Variants in PDIA6 observed in about 807,000 individuals in gnomAD.
PDIA6 encodes protein disulfide-isomerase A6.
In PDIA6, 29 loss-of-function variants were observed where a neutral mutation model predicts 58.4. The ratio of observed to expected loss-of-function variants is 0.50; its 90% confidence interval spans 0.37 to 0.68. PDIA6 has a LOEUF of 0.68. Among genes scored for constraint, PDIA6 ranks in the 30% least tolerant of loss-of-function variants. The pLI is 0.00. For missense variants in PDIA6, 480 were observed against 551.0 expected (o/e 0.87, Z 1.29); for synonymous variants, 192 against 202.6 (o/e 0.95, Z 0.44).
intron 1 of PDIA6, among the ~76,000 whole-genome samples, chr2:10,808,883 T>G (rs1056665753): frequency 2.0e-5 from 3 of 152,220 alleles, no homozygotes; most frequent in African/African-American, 7.2e-5. Context: ...TGGAGTGCAG[T>G]GGTGCAATCT....
chr2:10,792,073 G>T, intron 5 of PDIA6, 148 bp from the exon 6 acceptor site: 1 of 843,792 alleles, frequency 1.2e-6, no homozygotes, highest in Non-Finnish European at 1.8e-6. Context: ...ATTCAAATTG[G>T]GTACATTCCT....
At chr2:10,806,626 G>GAGAAAGAAAGAAAGA (rs1215474397) in intron 1 of PDIA6, among the ~76,000 whole-genome samples, 3 of 143,074 alleles carry the variant, frequency 2.1e-5, no homozygotes, top group Non-Finnish European at 4.7e-5. Flanking sequence ...AAAAAATAAA[G>GAGAAAGAAAGAAAGA]ACAGAAAGAA....
chr2:10,817,774 C>T (rs543750861), upstream of PDIA6, among the ~76,000 whole-genome samples: 1 of 152,304 alleles, frequency 6.6e-6, no homozygotes, highest in African/African-American at 2.4e-5. Flanking sequence ...CTAGAATGAC[C>T]GGGAAGATCA....
chr2:10,834,734 CCTTCCTTCCTT>C (rs1558468772), upstream of PDIA6, among the ~76,000 whole-genome samples: 1,099 of 57,812 alleles, frequency 0.019, 41 homozygotes, highest in Middle Eastern at 0.034. Flanking sequence ...TTCCTTCCCT[CCTTCCTTCCTT>C]CCTTCCTTCC....
At chr2:10,837,307 G>A (rs1667848617), upstream of PDIA6, among the ~76,000 whole-genome samples, 1 of 152,206 alleles carries the variant, frequency 6.6e-6, no homozygotes, top group South Asian at 2.1e-4. Flanking sequence ...TCAAGGAGGC[G>A]ACGGGGAAAA....
chr2:10,832,382 T>C (rs1667733775), exon 1 of PDIA6: 2 of 981,434 alleles, frequency 2.0e-6, no homozygotes, highest in African/African-American at 1.7e-5. Context: ...GCTGCAGATA[T>C]CCTCGCCATC....
chr2:10,826,679 G>C (rs547469568), intron 1 of PDIA6, among the ~76,000 whole-genome samples: 2 of 152,182 alleles, frequency 1.3e-5, no homozygotes, highest in South Asian at 4.2e-4. Context: ...GCTTTAATTG[G>C]GTGAATCATA....
intron 1 of PDIA6, among the ~76,000 whole-genome samples, chr2:10,828,161 A>C (rs1241881675): frequency 6.6e-6 from 1 of 152,186 alleles, no homozygotes; most frequent in African/African-American, 2.4e-5. Context: ...GGTGTTGTGC[A>C]TTCTATGGGT....
intron 1 of PDIA6, among the ~76,000 whole-genome samples, chr2:10,806,628 C>CGAAAGAGAGAAAGAA (rs1553339930): frequency 4.3e-5 from 3 of 70,422 alleles, no homozygotes; most frequent in Non-Finnish European, 1.2e-4. Flanking sequence ...AAAATAAAGA[C>CGAAAGAGAGAAAGAA]AGAAAGAAAG....
chr2:10,810,420 G>A, intron 1 of PDIA6: 1 of 1,439,436 alleles, frequency 6.9e-7, no homozygotes, highest in Non-Finnish European at 9.1e-7. Flanking sequence ...TTACAAGCAG[G>A]CTGCAGTCAC....
chr2:10,819,954 A>G (rs143452997), intron 1 of PDIA6, among the ~76,000 whole-genome samples: 1 of 152,072 alleles, frequency 6.6e-6, no homozygotes, highest in Non-Finnish European at 1.5e-5. Flanking sequence ...TCTCTATTAG[A>G]TGGGGCCACC....
At chr2:10,824,520 G>A (rs1405037494) in intron 1 of PDIA6, among the ~76,000 whole-genome samples, 2 of 152,276 alleles carry the variant, frequency 1.3e-5, no homozygotes, top group Admixed American at 6.5e-5. Flanking sequence ...CATGGCCACA[G>A]TGATTGTTCC....
chr2:10,827,481 A>G (rs1667583461), intron 1 of PDIA6, among the ~76,000 whole-genome samples: 1 of 152,214 alleles, frequency 6.6e-6, no homozygotes, highest in South Asian at 2.1e-4. Flanking sequence ...TCTGCCACAT[A>G]CTAATAAAGT....
At chr2:10,796,975 T>C in intron 4 of PDIA6, 106 bp downstream of exon 4, 1 of 886,592 alleles carries the variant, frequency 1.1e-6, no homozygotes, top group Admixed American at 2.1e-5. Context: ...ATAATTCAGG[T>C]ACAATGAGGT....
chr2:10,811,107 GTTAA>G (rs1446006894), intron 1 of PDIA6, among the ~76,000 whole-genome samples: 1 of 152,214 alleles, frequency 6.6e-6, no homozygotes, highest in Non-Finnish European at 1.5e-5. Flanking sequence ...ATTAAAATGA[GTTAA>G]TTAATAGACT....
intron 2 of PDIA6, among the ~76,000 whole-genome samples, chr2:10,798,058 C>CAT (rs112122168): frequency 2.6e-5 from 4 of 151,912 alleles, no homozygotes; most frequent in Non-Finnish European, 5.9e-5. Context: ...TGGTGGTGCA[C>CAT]GCTTGTAATC....
upstream of PDIA6, chr2:10,812,949 G>A (rs567663571): frequency 3.0e-6 from 2 of 660,514 alleles, no homozygotes; most frequent in South Asian, 1.5e-4. Flanking sequence ...TTTTTTCACG[G>A]GGGCGGTGGC....
intron 1 of PDIA6, among the ~76,000 whole-genome samples, chr2:10,807,699 G>C (rs1666820048): frequency 6.6e-6 from 1 of 152,168 alleles, no homozygotes; most frequent in Admixed American, 6.5e-5. Flanking sequence ...GATTTCAAAT[G>C]GACCTTTTTG....
intron 1 of PDIA6, among the ~76,000 whole-genome samples, chr2:10,805,223 A>G (rs1666683174): frequency 6.9e-6 from 1 of 143,986 alleles, no homozygotes. Flanking sequence ...GAAAAAAACA[A>G]ACAACCCCAT....
Sources: allele counts gnomAD v4.1 joint callset (sites outside exome capture counted in the v4.1 genomes callset), GRCh38; gene constraint gnomAD v4.1.1; transcripts MANE v1.5; gene names NCBI Gene and HGNC (gene_info 2026-07-23, HGNC 2026-07-21).